The following KRT28 variants were observed in gnomAD, a reference collection of about 807,000 sequenced individuals.
KRT28 encodes keratin, type I cytoskeletal 28.
Under a neutral mutation model 48.1 loss-of-function variants are expected in KRT28, and 45 were observed. The ratio of observed to expected loss-of-function variants is 0.94; its 90% CI spans 0.74 to 1.20. KRT28 has a LOEUF of 1.20. Ranked by LOEUF, KRT28 falls within the 50% of genes most tolerant of loss-of-function variation. The pLI is 0.00. For synonymous variants in KRT28, 228 were observed against 227.4 expected (o/e 1.00, Z -0.03); for missense variants, 571 against 574.1 (o/e 0.99, Z 0.06).
chr17:40,792,516 C>T lies in KRT28; in HGVS notation c.1306G>A (p.Gly436Ser). 6.2e-7 allele frequency: 1 copy of T among 1,613,074 alleles called. No individual in the cohort carries two copies. The highest frequency in any genetic ancestry group is 8.5e-7 in the Non-Finnish European group (1 of 1,179,524). The change falls in exon 8 of 8, where the codon GGT (glycine) becomes AGT (serine). Residue 436 changes from glycine to serine, a missense_variant. Physicochemically the swap from Gly to Ser is moderately conservative, Grantham distance 56. Transcript: ENST00000306658. ...KTVVEELDQR[G>S]KVLSSRIHSI... ...TGAATCCTTGATGAAAGAACTTTAC[C>T]ACGTTGATCTAGCTCTTCAACCACT...
At position 40,792,222 on chromosome 17, in the gene KRT28, G is replaced by C; in HGVS notation, c.*205C>G. 1 of 404,472 alleles carries C rather than the reference G, an allele frequency of 2.5e-6. No individual in the cohort carries two copies. The highest frequency in any genetic ancestry group is 4.4e-6 in the Non-Finnish European group (1 of 228,764). 25.1% of individuals were successfully genotyped at this position (404,472 alleles called of 1,614,324 possible). ...AAAAATCACAAATAGTTATTTATTA[G>C]TCATCAGTGAATGGAAATGAATGCA... On this transcript the variant is annotated 3_prime_UTR_variant, in exon 8 of 8. Transcript: ENST00000306658.
At chr17:40,798,496 A>G (rs897090644) in intron 2 of KRT28, 105 bp from the exon 3 acceptor site, 80 of 1,229,432 alleles carry the variant, frequency 6.5e-5, no homozygotes, top group Non-Finnish European at 8.8e-5. Flanking sequence ...TTGAATTAGG[A>G]CTGTAAATAG....
At chr17:40,797,423 C>T in intron 3 of KRT28, 142 bp from the exon 4 acceptor site, 1 of 768,878 alleles carries the variant, frequency 1.3e-6, no homozygotes, top group Non-Finnish European at 2.1e-6. Flanking sequence ...TTGACATATT[C>T]GGTCCATATT....
chr17:40,798,207 A>G (rs1421544476), intron 3 of KRT28, 28 bp downstream of exon 3: 1 of 1,582,458 alleles, frequency 6.3e-7, no homozygotes, highest in Non-Finnish European at 8.7e-7. Context: ...CAGAGTTGTG[A>G]TTGGACTACA....
intron 7 of KRT28, 145 bp downstream of exon 7, chr17:40,793,010 G>A: frequency 1.9e-6 from 1 of 536,574 alleles, no homozygotes; most frequent in East Asian, 3.7e-5. Context: ...TGGGGCAGGA[G>A]AATCACTTGA....
rs1472842195 is a variant in KRT28, at chr17:40,799,633, C to T, written c.261G>A (p.Lys87=). The T allele has an allele frequency of 6.2e-7, 1 of 1,614,184 alleles. No individual in the cohort carries two copies. The highest frequency in any genetic ancestry group is 8.5e-7 in the Non-Finnish European group (1 of 1,180,036). The part of the protein sequence containing the change: ...SEGGLLSGNE[K]VTMQNLNDRL... ...GGTCATTAAGATTTTGCATGGTCAC[C>T]TTCTCATTTCCAGAGAGGAGTCCCC... is the stretch of plus-strand genomic sequence containing the variant. The change falls in exon 1 of 8, where the codon AAG becomes AAA. Residue 87 remains lysine (K), a synonymous_variant. Transcript: ENST00000306658.
chr17:40,795,253 A>C (rs1314823692), intron 5 of KRT28, among the ~76,000 whole-genome samples: 2 of 152,192 alleles, frequency 1.3e-5, no homozygotes, highest in Non-Finnish European at 2.9e-5. Context: ...GGTAATGCGG[A>C]GAGTAAGGCA....
Position 40,796,930 on chromosome 17 carries a change from A to G in KRT28, c.964T>C (p.Ser322Pro), listed in dbSNP as rs1178757778. The G allele has an allele frequency of 6.2e-7, 1 of 1,604,836 alleles. No homozygotes were observed. Among genetic ancestry groups the G allele is most frequent in the East Asian group, 2.2e-5 (1 of 44,788 alleles). Residue 322 changes from serine to proline, a missense_variant, in exon 5 of 8, where the codon TCC becomes CCC. Physicochemically the swap from Ser to Pro is moderately conservative, Grantham distance 74. Transcript: ENST00000306658. ...TLQTLEIQLQ[S>P]LMATKHSLEC... is the part of the protein sequence containing the mutation. Reference sequence around the variant, plus strand: ...CTGTCACCTACCGTGGCCATCAGGGACTGCAGCTGGATCTCCAGGGTCTGC... The same window carrying G: ...CTGTCACCTACCGTGGCCATCAGGGGCTGCAGCTGGATCTCCAGGGTCTGC...
intron 5 of KRT28, among the ~76,000 whole-genome samples, chr17:40,794,715 G>A (rs1336554664): frequency 6.6e-6 from 1 of 152,096 alleles, no homozygotes; most frequent in Admixed American, 6.5e-5. Context: ...GGCACCTGCT[G>A]CCTCCTTTAA....
Position 40,799,596 on chromosome 17 carries a change from A to G in KRT28, c.298T>C (p.Tyr100His). The G allele has an allele frequency of 6.2e-7, 1 of 1,614,208 alleles. No individual in the cohort carries two copies. Among genetic ancestry groups the G allele is most frequent in the African/African-American group, 1.3e-5 (1 of 75,042 alleles). The change falls in exon 1 of 8, where the codon TAC (tyrosine) becomes CAC (histidine). Residue 100 changes from tyrosine (Y) to histidine (H), a missense_variant. Transcript: ENST00000306658. ...TCCAGAGCTCGCACATTATCCAGGT[A>G]GGATGCCAAGCGGTCATTAAGATTT... ...MQNLNDRLAS[Y>H]LDNVRALEEA...
intron 2 of KRT28, among the ~76,000 whole-genome samples, chr17:40,798,609 G>C (rs1904676563): frequency 1.3e-5 from 2 of 152,284 alleles, no homozygotes; most frequent in South Asian, 4.1e-4. Context: ...GCATAACCTA[G>C]TTAAATAAAA....
At chr17:40,793,702 G>A in intron 6 of KRT28, 127 bp downstream of exon 6, 2 of 857,840 alleles carry the variant, frequency 2.3e-6, no homozygotes, top group Non-Finnish European at 3.7e-6. Flanking sequence ...AAAAAAACAA[G>A]AGATGGACAT....
Position 40,793,873 on chromosome 17 carries a change from T to C in KRT28, c.1152A>G (p.Glu384=). The C allele has an allele frequency of 6.2e-7, 1 of 1,613,980 alleles. No individual in the cohort carries two copies. Among genetic ancestry groups the C allele is most frequent in the South Asian group, 1.1e-5 (1 of 91,066 alleles). The change falls in exon 6 of 8, where the codon GAA becomes GAG. Residue 384 remains glutamate, a synonymous_variant. Coordinates refer to ENST00000306658, the MANE Select transcript of KRT28 (RefSeq NM_181535.3). The part of the protein sequence containing the change: ...EHLLDVKVHL[E]KEIETYCRLI... ...GGCGGCAGTAGGTCTCAATTTCTTTTTCCAAGTGGACCTTGACATCGAGGA... is the reference window on the plus strand; with the variant it reads ...GGCGGCAGTAGGTCTCAATTTCTTTCTCCAAGTGGACCTTGACATCGAGGA...
chr17:40,793,599 A>G (rs1175954106), intron 6 of KRT28, among the ~76,000 whole-genome samples: 1 of 152,172 alleles, frequency 6.6e-6, no homozygotes, highest in Non-Finnish European at 1.5e-5. Context: ...TAACATGGAC[A>G]ACAGATGGGA....
At position 40,797,245 on chromosome 17, in the gene KRT28, C is replaced by T. The variant is rs1194728195; in HGVS notation, c.727G>A (p.Val243Met). Residue 243 changes from valine to methionine, a missense_variant, in exon 4 of 8, where the codon GTG becomes ATG. Physicochemically the swap from Val to Met is conservative, Grantham distance 21. Coordinates refer to ENST00000306658, the MANE Select transcript of KRT28 (RefSeq NM_181535.3). ...KALQCAAGGNVNVEMNAAPGV... is the reference protein window; with the variant it reads ...KALQCAAGGNMNVEMNAAPGV... ...GGGGCCGCGTTCATCTCCACGTTCACGTTGCCCCCAGCCGCGCACTGCAGA... is the reference window on the plus strand; with the variant it reads ...GGGGCCGCGTTCATCTCCACGTTCATGTTGCCCCCAGCCGCGCACTGCAGA... 5.0e-6 allele frequency: 8 copies of T among 1,614,038 alleles called. No individual in the cohort carries two copies. The Admixed American group carries it at 1.0e-4, about 20-fold the overall frequency.
At chr17:40,794,673 C>G (rs1458934704) in intron 5 of KRT28, among the ~76,000 whole-genome samples, 1 of 152,212 alleles carries the variant, frequency 6.6e-6, no homozygotes, top group Non-Finnish European at 1.5e-5. Context: ...CATACTTCCT[C>G]TTTGCTACTT....
In KRT28 at chr17:40,797,220, G is replaced by A. The variant is rs760676926; in HGVS notation, c.752C>T (p.Pro251Leu). Residue 251 changes from proline to leucine, a missense_variant, in exon 4 of 8, where the codon CCG (proline) becomes CTG (leucine). Pro to Leu is a moderately conservative substitution (Grantham distance 98, BLOSUM62 -3). Transcript: ENST00000306658. ...GNVNVEMNAA[P>L]GVDLAVLLNN... ...CAACAAAACCGCGAGGTCTACCCCCGGGGCCGCGTTCATCTCCACGTTCAC... is the reference window on the plus strand; with the variant it reads ...CAACAAAACCGCGAGGTCTACCCCCAGGGCCGCGTTCATCTCCACGTTCAC... 2.5e-6 allele frequency: 4 copies of A among 1,614,126 alleles called. No homozygotes were observed. The highest frequency in any genetic ancestry group is 1.1e-5 in the South Asian group (1 of 91,074).
chr17:40,792,345 G>C lies in KRT28; in HGVS notation c.*82C>G. On this transcript the variant is annotated 3_prime_UTR_variant, in exon 8 of 8. Transcript: ENST00000306658. Reference sequence around the variant, plus strand: ...AGTAATGTATCTTTAAAAGTAAAAAGTGTGTATATTCTCTCTGATATTTAG... The same window carrying C: ...AGTAATGTATCTTTAAAAGTAAAAACTGTGTATATTCTCTCTGATATTTAG... 1 of 1,122,864 alleles carries C rather than the reference G, an allele frequency of 8.9e-7. No homozygotes were observed. The highest frequency in any genetic ancestry group is 2.0e-5 in the South Asian group (1 of 49,532). The allele number at this position is 1,122,864 out of a possible 1,614,324, so 69.6% of individuals were successfully genotyped here.
Position 40,798,986 on chromosome 17 carries a change from G to C in KRT28, c.464C>G (p.Thr155Ser), listed in dbSNP as rs149445923. The change falls in exon 2 of 8, where the codon ACT becomes AGT. Residue 155 changes from threonine to serine, a missense_variant. By Grantham distance (58) the Thr-to-Ser change is moderately conservative. Transcript: ENST00000306658. The part of the protein sequence containing the change: ...EDLKNKIISS[T>S]TTNANVILQI... ...CAGAATGACATTAGCATTAGTAGTAGTGGAGGAGATAATCTAGAATAAACC... is the reference window on the plus strand; with the variant it reads ...CAGAATGACATTAGCATTAGTAGTACTGGAGGAGATAATCTAGAATAAACC... 3.8e-5 allele frequency: 61 copies of C among 1,600,482 alleles called. No individual in the cohort carries two copies. The African/African-American group carries it at 7.6e-4, about 20-fold the overall frequency.
Sources: gnomAD v4.1 joint callset for allele counts (sites outside exome capture counted in the v4.1 genomes callset) on GRCh38, gnomAD v4.1.1 for gene constraint, MANE v1.5 for transcripts, NCBI Gene and HGNC (gene_info 2026-07-23, HGNC 2026-07-21) for gene names.